The following POLA2 variants were observed in gnomAD, a reference collection of about 807,000 sequenced individuals.
POLA2 encodes the protein DNA polymerase alpha 2, accessory subunit.
POLA2 carries 47 observed loss-of-function variants against 82.8 expected under a neutral mutation model. That is an observed-to-expected ratio of 0.57 (90% confidence interval 0.45 to 0.72). POLA2 has a LOEUF of 0.72. Among genes scored for constraint, POLA2 ranks in the 30% least tolerant of loss-of-function variants. The pLI, the probability that POLA2 is intolerant of heterozygous loss-of-function variation, is 0.00. For synonymous variants in POLA2, 287 were observed against 286.8 expected (o/e 1.00, Z -0.01); for missense variants, 634 against 728.1 (o/e 0.87, Z 1.49).
In POLA2 at chr11:65,278,763, T is replaced by A; in HGVS notation, c.495T>A (p.Ser165Arg). 3.1e-6 allele frequency: 5 copies of A among 1,613,796 alleles called. No individual in the cohort carries two copies. The highest frequency in any genetic ancestry group is 4.2e-6 in the Non-Finnish European group (5 of 1,179,944). ...ATPSQKYNSR[S>R]NRGEVVTSFG... ...CCTCCCAGAAATACAACTCACGAAGTAACCGAGGAGAAGTGGTTACCTCCT... is the reference window on the plus strand; with the variant it reads ...CCTCCCAGAAATACAACTCACGAAGAAACCGAGGAGAAGTGGTTACCTCCT... The change falls in exon 6 of 18, where the codon AGT becomes AGA. Residue 165 changes from serine to arginine, a missense_variant. Transcript: ENST00000265465.
intron 10 of POLA2, among the ~76,000 whole-genome samples, chr11:65,284,216 C>A (rs1366161770): frequency 1.3e-5 from 2 of 152,076 alleles, no homozygotes; most frequent in Non-Finnish European, 2.9e-5. Flanking sequence ...TGGCTGACTT[C>A]TGTAACCCAG....
chr11:65,282,593 C>T (rs1467686314), intron 10 of POLA2, 72 bp downstream of exon 10: 1 of 1,303,102 alleles, frequency 7.7e-7, no homozygotes, highest in East Asian at 2.3e-5. Context: ...TGCAGTTTCC[C>T]AAGCCCAAGA....
chr11:65,267,452 G>T (rs770119998), intron 2 of POLA2, 25 bp from the exon 3 acceptor site: 1 of 1,462,120 alleles, frequency 6.8e-7, no homozygotes, highest in Non-Finnish European at 9.5e-7. Flanking sequence ...ATGAAGTACT[G>T]TATTCACTAT....
Position 65,282,497 on chromosome 11 carries a change from T to A in POLA2, c.982T>A (p.Tyr328Asn). The change falls in exon 10 of 18, where the codon TAT becomes AAT. Residue 328 changes from tyrosine to asparagine, a missense_variant. By Grantham distance (143) the Tyr-to-Asn change is moderately radical. Coordinates refer to ENST00000265465, the MANE Select transcript of POLA2 (RefSeq NM_002689.4). Reference protein sequence around the residue: ...KLYEGVPLPFYQPTEEDADFE... With the variant: ...KLYEGVPLPFNQPTEEDADFE... ...TTTTTAGGGTGTGCCACTTCCATTT[T>A]ATCAGCCCACTGAAGAGGATGCAGG... 6.2e-7 allele frequency: 1 copy of A among 1,613,870 alleles called. No individual in the cohort carries two copies. The highest frequency in any genetic ancestry group is 8.5e-7 in the Non-Finnish European group (1 of 1,179,770).
At chr11:65,284,743 T>G (rs1949678252) in intron 10 of POLA2, among the ~76,000 whole-genome samples, 1 of 152,008 alleles carries the variant, frequency 6.6e-6, no homozygotes, top group Admixed American at 6.6e-5. Context: ...GTCAGGCTGG[T>G]CTCAAACTCC....
chr11:65,262,233 C>G lies in POLA2; in HGVS notation c.-60C>G. ...GCTCATCGCTCGCCACCCCCGTGGG[C>G]TTCTTGGGCGCAGGTCGGAGCTGGG... is the stretch of plus-strand genomic sequence containing the variant. On this transcript the variant is annotated 5_prime_UTR_variant, in exon 1 of 18. Coordinates refer to ENST00000265465, the MANE Select transcript of POLA2 (RefSeq NM_002689.4). The G allele has an allele frequency of 7.2e-7, 1 of 1,396,212 alleles. No individual in the cohort carries two copies. The allele number at this position is 1,396,212 out of a possible 1,614,324, so 86.5% of individuals were successfully genotyped here.
At chr11:65,301,345 T>G (rs1424816237), downstream of POLA2, among the ~76,000 whole-genome samples, 3 of 152,116 alleles carry the variant, frequency 2.0e-5, no homozygotes, top group African/African-American at 7.2e-5. Flanking sequence ...TGCCTCACCC[T>G]GACCACCCAA....
chr11:65,291,813 G>A (rs1949758401), intron 13 of POLA2, among the ~76,000 whole-genome samples: 1 of 152,266 alleles, frequency 6.6e-6, no homozygotes, highest in South Asian at 2.1e-4. Flanking sequence ...TCTATGGCCA[G>A]TGTGTGCCAC....
chr11:65,285,607 A>G (rs1363261535), intron 10 of POLA2, among the ~76,000 whole-genome samples: 1 of 152,022 alleles, frequency 6.6e-6, no homozygotes, highest in South Asian at 2.1e-4. Context: ...GAAAAAAAAG[A>G]AAATACAAAT....
intron 9 of POLA2, among the ~76,000 whole-genome samples, chr11:65,282,046 A>G (rs1214208997): frequency 6.6e-6 from 1 of 152,210 alleles, no homozygotes; most frequent in African/African-American, 2.4e-5. Flanking sequence ...ACTTTATTTA[A>G]ATAGTGGGCT....
At chr11:65,281,359 C>T (rs998967516) in intron 8 of POLA2, among the ~76,000 whole-genome samples, 6 of 152,160 alleles carry the variant, frequency 3.9e-5, no homozygotes, top group African/African-American at 1.4e-4. Context: ...GCCTCAAATC[C>T]CAACTCCCCG....
intron 5 of POLA2, among the ~76,000 whole-genome samples, chr11:65,276,738 A>G (rs1306918947): frequency 2.0e-5 from 3 of 151,562 alleles, no homozygotes; most frequent in African/African-American, 7.3e-5. Flanking sequence ...CATTACCTCT[A>G]CTTTGGATCA....
rs1157322831 is a variant in POLA2, at chr11:65,262,869, A to T, written c.79+498A>T. 2.0e-5 allele frequency among the ~76,000 whole-genome samples: 3 copies of T among 152,224 alleles called. No individual in the cohort carries two copies. The East Asian group carries it at 5.8e-4, about 29-fold the overall frequency. On this transcript the variant is annotated intron_variant, in intron 1 of 17. Coordinates refer to ENST00000265465, the MANE Select transcript of POLA2 (RefSeq NM_002689.4). ...CCCTTGAGGTAGGTTCCTAAAATTG[A>T]ATTTGAGCTGTGGAAGGAGCTTTAG...
intron 3 of POLA2, among the ~76,000 whole-genome samples, chr11:65,267,905 C>T (rs527279479): frequency 6.6e-6 from 1 of 152,088 alleles, no homozygotes; most frequent in South Asian, 2.1e-4. Context: ...GATTCTCCTG[C>T]CTCAGCCTCC....
downstream of POLA2, among the ~76,000 whole-genome samples, chr11:65,301,723 A>G (rs1297144071): frequency 1.3e-5 from 2 of 152,168 alleles, no homozygotes; most frequent in Non-Finnish European, 2.9e-5. Context: ...GGGAGGGAAG[A>G]GGGATGGCAA....
intron 2 of POLA2, among the ~76,000 whole-genome samples, chr11:65,267,213 A>AG (rs1480518825): frequency 3.3e-5 from 5 of 152,160 alleles, no homozygotes; most frequent in African/African-American, 1.2e-4. Context: ...CAAAAAAAAA[A>AG]GAAATGAGAA....
intron 16 of POLA2, 99 bp downstream of exon 16, chr11:65,295,698 A>G: frequency 7.5e-7 from 1 of 1,331,752 alleles, no homozygotes; most frequent in South Asian, 1.2e-5. Flanking sequence ...GGCTACCAGC[A>G]GGGAACTTTA....
At chr11:65,304,098 T>C (rs1232611652) in intron 8 of POLA2, among the ~76,000 whole-genome samples, 2 of 152,080 alleles carry the variant, frequency 1.3e-5, no homozygotes, top group African/African-American at 4.8e-5. Flanking sequence ...CTCCCAACTT[T>C]TATTTCCTAA....
chr11:65,295,947 C>G lies in POLA2; in HGVS notation c.1604C>G (p.Pro535Arg), dbSNP rs761256971. Residue 535 changes from proline to arginine, a missense_variant, in exon 17 of 18, where the codon CCA becomes CGA. Physicochemically the swap from Pro to Arg is moderately radical, Grantham distance 103. Coordinates refer to ENST00000265465, the MANE Select transcript of POLA2 (RefSeq NM_002689.4). ...FYVYAQLPVT[P>R]DVLIIPSELR... ...GTTTACGCACAGCTGCCTGTCACCCCAGATGTCCTCATCATCCCGTCAGAG... is the reference window on the plus strand; with the variant it reads ...GTTTACGCACAGCTGCCTGTCACCCGAGATGTCCTCATCATCCCGTCAGAG... 3.2e-5 allele frequency: 51 copies of G among 1,614,074 alleles called. No individual in the cohort carries two copies. The highest frequency in any genetic ancestry group is 4.2e-5 in the Non-Finnish European group (49 of 1,180,034).
Sources: allele counts gnomAD v4.1 joint callset (sites outside exome capture counted in the v4.1 genomes callset), GRCh38; gene constraint gnomAD v4.1.1; transcripts MANE v1.5; gene names NCBI Gene and HGNC (gene_info 2026-07-23, HGNC 2026-07-21).